The following FAR2 variants were observed in gnomAD, a reference collection of about 807,000 sequenced individuals.
FAR2 encodes the protein fatty acyl-CoA reductase 2.
FAR2 carries 19 observed loss-of-function variants against 56.0 expected under a neutral mutation model. That is an observed-to-expected ratio of 0.34 (90% confidence interval 0.24 to 0.50). The LOEUF is 0.50. Among genes scored for constraint, FAR2 ranks in the 20% least tolerant of loss-of-function variants. FAR2 has a pLI of 0.98. For missense variants in FAR2, 508 were observed against 642.2 expected, an observed-to-expected ratio of 0.79 and a Z score of 2.26; for synonymous variants, 219 against 218.8, an observed-to-expected ratio of 1.00 and a Z score of -0.01.
intron 3 of FAR2, among the ~76,000 whole-genome samples, chr12:29,295,316 C>T (rs1175179313): frequency 1.3e-5 from 2 of 152,100 alleles, no homozygotes; most frequent in Non-Finnish European, 2.9e-5. Flanking sequence ...TCAGGTGATC[C>T]GCCCGCCTCG....
Position 29,297,052 on chromosome 12 carries a change from C to T in FAR2, c.397C>T (p.Arg133Trp), listed in dbSNP as rs368666439. ...TGTGCAACTTAACGTCACTGCCACCCGGCAGCTCTTGCTTATGGCTAGTCA... is the reference window on the plus strand; with the variant it reads ...TGTGCAACTTAACGTCACTGCCACCTGGCAGCTCTTGCTTATGGCTAGTCA... ...HAVQLNVTATRQLLLMASQMP... is the reference protein window; with the variant it reads ...HAVQLNVTATWQLLLMASQMP... The change falls in exon 4 of 12, where the codon CGG becomes TGG. Residue 133 changes from arginine (R) to tryptophan (W), a missense_variant. By Grantham distance (101) the Arg-to-Trp change is moderately radical. Transcript: ENST00000536681. 2.7e-5 allele frequency: 43 copies of T among 1,609,590 alleles called. 1 individual carries two copies. In the African/African-American group the frequency reaches 3.9e-4, roughly 15 times the overall value.
chr12:29,197,139 C>T (rs777336427), intron 1 of FAR2, among the ~76,000 whole-genome samples: 1 of 152,078 alleles, frequency 6.6e-6, no homozygotes, highest in Non-Finnish European at 1.5e-5. Context: ...CGGTATTATG[C>T]TATTCAATAC....
intron 10 of FAR2, among the ~76,000 whole-genome samples, chr12:29,323,075 G>T (rs1949579637): frequency 1.3e-5 from 2 of 152,248 alleles, no homozygotes; most frequent in Admixed American, 6.5e-5. Context: ...TCTTCCAACG[G>T]GCTTAACAAA....
intron 1 of FAR2, among the ~76,000 whole-genome samples, chr12:29,159,801 T>G (rs1334847100): frequency 6.6e-6 from 1 of 152,184 alleles, no homozygotes; most frequent in Non-Finnish European, 1.5e-5. Context: ...TTTAAGTACT[T>G]AAGTGCTAAT....
intron 1 of FAR2, among the ~76,000 whole-genome samples, chr12:29,163,102 G>A (rs1949796362): frequency 1.3e-5 from 2 of 152,176 alleles, no homozygotes; most frequent in African/African-American, 4.8e-5. Flanking sequence ...GGAGACCTGG[G>A]AACCCCTTCT....
chr12:29,307,391 A>G (rs1949268552), intron 4 of FAR2, among the ~76,000 whole-genome samples: 2 of 140,414 alleles, frequency 1.4e-5, no homozygotes, highest in Admixed American at 1.4e-4. Context: ...CTATCGGTCT[A>G]TCTACCTACC....
chr12:29,321,633 T>C (rs577852414), intron 9 of FAR2, among the ~76,000 whole-genome samples, 162 bp from the exon 10 acceptor site: 19 of 152,002 alleles, frequency 1.2e-4, no homozygotes, highest in Non-Finnish European at 1.9e-4. Context: ...GTTGAATGAA[T>C]AGAGAGTTAA....
Position 29,332,624 on chromosome 12 carries a change from T to C in FAR2, c.1282T>C (p.Leu428=), listed in dbSNP as rs140679656. 47 of 1,613,628 alleles carry C rather than the reference T, an allele frequency of 2.9e-5. No homozygotes were observed. In the African/African-American group the frequency reaches 5.6e-4, roughly 19 times the overall value. Residue 428 remains leucine, a synonymous_variant, in exon 11 of 12, where the codon TTG becomes CTG. Coordinates refer to ENST00000536681, the MANE Select transcript of FAR2 (RefSeq NM_001271783.2). ...QRVFNFDVRQ[L]NWLEYIENYV... is the part of the protein sequence containing the mutation. ...GGTATTCAACTTTGACGTGCGCCAGTTGAACTGGTTGGAATACATTGAAAA... is the reference window on the plus strand; with the variant it reads ...GGTATTCAACTTTGACGTGCGCCAGCTGAACTGGTTGGAATACATTGAAAA...
At chr12:29,293,950 G>T (rs1591937858) in intron 3 of FAR2, among the ~76,000 whole-genome samples, 1 of 152,076 alleles carries the variant, frequency 6.6e-6, no homozygotes, top group East Asian at 1.9e-4. Context: ...ACCCCTTTGT[G>T]TGCTCTTCTT....
At chr12:29,176,332 C>G (rs1949937713) in intron 1 of FAR2, among the ~76,000 whole-genome samples, 1 of 152,230 alleles carries the variant, frequency 6.6e-6, no homozygotes, top group Non-Finnish European at 1.5e-5. Flanking sequence ...ATCAGAGCCA[C>G]TGGCCTGTCA....
chr12:29,312,767 A>G (rs1325019841), intron 8 of FAR2, among the ~76,000 whole-genome samples: 1 of 152,168 alleles, frequency 6.6e-6, no homozygotes, highest in African/African-American at 2.4e-5. Context: ...CTTACTACCT[A>G]CTAATGCACA....
intron 1 of FAR2, among the ~76,000 whole-genome samples, chr12:29,260,918 A>G (rs1948407342): frequency 6.6e-6 from 1 of 152,212 alleles, no homozygotes; most frequent in South Asian, 2.1e-4. Context: ...TGCAACAGCC[A>G]CAGTGTTGCT....
At chr12:29,177,570 A>T (rs1387730460) in intron 1 of FAR2, among the ~76,000 whole-genome samples, 1 of 152,164 alleles carries the variant, frequency 6.6e-6, no homozygotes, top group Non-Finnish European at 1.5e-5. Flanking sequence ...ACAGATGGAG[A>T]AGTAATAAGG....
chr12:29,332,922 T>C, intron 11 of FAR2, 195 bp downstream of exon 11: 1 of 664,188 alleles, frequency 1.5e-6, no homozygotes, highest in South Asian at 1.5e-5. Flanking sequence ...AGTATTACTT[T>C]TGTTACCCCA....
intron 1 of FAR2, among the ~76,000 whole-genome samples, chr12:29,149,864 C>T (rs1257799065): frequency 6.6e-6 from 1 of 152,162 alleles, no homozygotes; most frequent in Non-Finnish European, 1.5e-5. Flanking sequence ...GAAACGGCAG[C>T]GGTCCTAGGT....
chr12:29,272,077 TCA>T (rs1948627886), intron 2 of FAR2, among the ~76,000 whole-genome samples: 1 of 152,236 alleles, frequency 6.6e-6, no homozygotes, highest in African/African-American at 2.4e-5. Context: ...GCAGTTTTTC[TCA>T]GTTATCTACC....
At chr12:29,324,352 A>T (rs1949607193) in intron 10 of FAR2, among the ~76,000 whole-genome samples, 1 of 152,206 alleles carries the variant, frequency 6.6e-6, no homozygotes, top group Non-Finnish European at 1.5e-5. Context: ...GAACTTCCCC[A>T]ATCTAGCAAG....
intron 1 of FAR2, among the ~76,000 whole-genome samples, chr12:29,249,748 T>C: frequency 6.6e-6 from 1 of 152,342 alleles, no homozygotes; most frequent in East Asian, 1.9e-4. Flanking sequence ...ATTTTATTAT[T>C]ATTAGTTTTA....
chr12:29,211,137 T>G (rs1342311498), intron 1 of FAR2, among the ~76,000 whole-genome samples: 1 of 151,870 alleles, frequency 6.6e-6, no homozygotes, highest in African/African-American at 2.4e-5. Flanking sequence ...CTTAAGAATA[T>G]CTTGTGGACC....
Sources: gnomAD v4.1 joint callset for allele counts (sites outside exome capture counted in the v4.1 genomes callset) on GRCh38, gnomAD v4.1.1 for gene constraint, MANE v1.5 for transcripts, NCBI Gene and HGNC (gene_info 2026-07-23, HGNC 2026-07-21) for gene names.